CEP170: variants seen among roughly 807,000 people sequenced by gnomAD.
CEP170 encodes the protein centrosomal protein of 170 kDa.
Under a neutral mutation model 151.9 loss-of-function variants are expected in CEP170, and 21 were observed. The observed-to-expected ratio is 0.14, with a 90% CI of 0.10 to 0.20. The LOEUF is 0.20. Ranked by LOEUF, CEP170 falls within the 10% of genes least tolerant of loss-of-function variation. The pLI is 1.00. For missense variants in CEP170, 964 were observed against 1,892.9 expected, an observed-to-expected ratio of 0.51 and a Z score of 9.11; for synonymous variants, 356 against 648.8, an observed-to-expected ratio of 0.55 and a Z score of 6.86.
At chr1:243,201,673 A>T (rs1572238844) in intron 4 of CEP170, among the ~76,000 whole-genome samples, 2 of 152,138 alleles carry the variant, frequency 1.3e-5, no homozygotes, top group African/African-American at 4.8e-5. Flanking sequence ...TCCCAAGCAT[A>T]AGGGAAGTAG....
At chr1:243,244,399 C>T (rs1033142938) in intron 1 of CEP170, among the ~76,000 whole-genome samples, 3 of 151,970 alleles carry the variant, frequency 2.0e-5, no homozygotes, top group East Asian at 1.9e-4. Flanking sequence ...ACTTACCTCC[C>T]AATTTAACTC....
At chr1:243,164,159 A>G (rs1375514009) in intron 13 of CEP170, 125 bp downstream of exon 13, 2 of 1,234,104 alleles carry the variant, frequency 1.6e-6, no homozygotes, top group African/African-American at 1.6e-5. Context: ...CCCGTATATC[A>G]TAACTTTTGT....
chr1:243,184,614 T>C (rs1216715016), intron 10 of CEP170, among the ~76,000 whole-genome samples: 1 of 152,126 alleles, frequency 6.6e-6, no homozygotes, highest in Non-Finnish European at 1.5e-5. Flanking sequence ...ACGTACTCTC[T>C]TACAGTGTAG....
chr1:243,239,064 A>G (rs929290973), intron 1 of CEP170, among the ~76,000 whole-genome samples: 1 of 152,230 alleles, frequency 6.6e-6, no homozygotes, highest in African/African-American at 2.4e-5. Context: ...TGCTTATTAT[A>G]ATGTTACACA....
At chr1:243,238,252 C>T (rs1040460491) in intron 1 of CEP170, among the ~76,000 whole-genome samples, 4 of 151,998 alleles carry the variant, frequency 2.6e-5, no homozygotes, top group African/African-American at 4.8e-5. Flanking sequence ...GAATTCAGGA[C>T]CAACCTAGGC....
At chr1:243,203,804 A>G (rs995354856) in intron 4 of CEP170, among the ~76,000 whole-genome samples, 1 of 152,160 alleles carries the variant, frequency 6.6e-6, no homozygotes, top group Non-Finnish European at 1.5e-5. Flanking sequence ...ATAATAAAAC[A>G]TACAATTATG....
intron 15 of CEP170, among the ~76,000 whole-genome samples, chr1:243,140,969 T>C (rs1234444847): frequency 1.3e-5 from 2 of 152,216 alleles, no homozygotes; most frequent in African/African-American, 4.8e-5. Context: ...ATAAGGATGA[T>C]TTCATTTACA....
intron 8 of CEP170, among the ~76,000 whole-genome samples, chr1:243,190,196 T>C (rs1272207961): frequency 6.6e-6 from 1 of 152,182 alleles, no homozygotes; most frequent in African/African-American, 2.4e-5. Flanking sequence ...AGTAACAGAA[T>C]GGTCAGCTAA....
chr1:243,189,131 G>T (rs2060115721), intron 8 of CEP170, among the ~76,000 whole-genome samples: 1 of 152,162 alleles, frequency 6.6e-6, no homozygotes, highest in African/African-American at 2.4e-5. Context: ...ATAATTTCTA[G>T]TAAGGGCTTA....
intron 1 of CEP170, among the ~76,000 whole-genome samples, chr1:243,254,825 C>G (rs969785165): frequency 6.6e-6 from 1 of 151,400 alleles, no homozygotes; most frequent in Non-Finnish European, 1.5e-5. Context: ...GTGGTCCCGT[C>G]AAGCCCCGGG....
At chr1:243,188,601 G>A (rs903795859) in intron 8 of CEP170, among the ~76,000 whole-genome samples, 8 of 152,090 alleles carry the variant, frequency 5.3e-5, no homozygotes, top group Admixed American at 2.6e-4. Context: ...TTTAGGGTAG[G>A]TTAGCTGTAA....
At chr1:243,161,762 A>C (rs2058085840) in intron 13 of CEP170, among the ~76,000 whole-genome samples, 1 of 152,196 alleles carries the variant, frequency 6.6e-6, no homozygotes, top group Non-Finnish European at 1.5e-5. Context: ...TTTAAAGTTT[A>C]TACTGTGCAC....
chr1:243,191,394 A>G lies in CEP170; in HGVS notation c.732T>C (p.Pro244=). ...GTGATGGTTGCTGGAATTCTTTTGT[A>G]GGGATTTCAAAATAACTTGGTTCCC... The part of the protein sequence containing the change: ...FCREPSYFEI[P]TKEFQQPSQI... Residue 244 remains proline, a synonymous_variant, in exon 8 of 20, where the codon CCT becomes CCC. Coordinates refer to ENST00000366542, the MANE Select transcript of CEP170 (RefSeq NM_014812.3). The G allele has an allele frequency of 1.3e-6, 2 of 1,579,148 alleles. No homozygotes were observed. The highest frequency in any genetic ancestry group is 1.7e-6 in the Non-Finnish European group (2 of 1,161,686).
chr1:243,152,916 C>G (rs1234219893), intron 14 of CEP170, among the ~76,000 whole-genome samples: 1 of 152,160 alleles, frequency 6.6e-6, no homozygotes, highest in Non-Finnish European at 1.5e-5. Flanking sequence ...AATGATTCCT[C>G]TAATAGATCT....
Position 243,125,614 on chromosome 1 carries a change from T to C in CEP170, c.*835A>G, listed in dbSNP as rs544536708. On this transcript the variant is annotated 3_prime_UTR_variant, in exon 20 of 20. Coordinates refer to ENST00000366542, the MANE Select transcript of CEP170 (RefSeq NM_014812.3). ...TATCTGTCTAGTTTAATCTTTCTAG[T>C]TATCATTTAACCTAAAATGAGAGAC... 6.4e-6 allele frequency: 1 copy of C among 155,436 alleles called. No homozygotes were observed. Among genetic ancestry groups the C allele is most frequent in the East Asian group, 1.9e-4 (1 of 5,250 alleles). The allele number at this position is 155,436 out of a possible 1,614,324, so 9.6% of individuals were successfully genotyped here.
intron 10 of CEP170, among the ~76,000 whole-genome samples, chr1:243,178,722 TTC>T (rs1477084084): frequency 2.0e-5 from 3 of 151,654 alleles, no homozygotes; most frequent in Non-Finnish European, 2.9e-5. Flanking sequence ...TATCTTCTTC[TTC>T]TTTTTTTTTT....
chr1:243,208,364 TA>T (rs1264479287), intron 4 of CEP170, among the ~76,000 whole-genome samples: 18 of 148,000 alleles, frequency 1.2e-4, no homozygotes, highest in Admixed American at 3.4e-4. Flanking sequence ...TCACTCCGAT[TA>T]AAAAAAAACA....
intron 14 of CEP170, among the ~76,000 whole-genome samples, chr1:243,153,274 T>C (rs2057277597): frequency 6.6e-6 from 1 of 152,192 alleles, no homozygotes; most frequent in Non-Finnish European, 1.5e-5. Flanking sequence ...GGTGAAGCTG[T>C]TGTGAGCACT....
chr1:243,191,520 C>T (rs2060303615), intron 7 of CEP170, 26 bp from the exon 8 acceptor site: 1 of 1,196,546 alleles, frequency 8.4e-7, no homozygotes, highest in Non-Finnish European at 1.2e-6. Flanking sequence ...AGAGAAAATT[C>T]AAAATATTTG....
Sources: allele counts gnomAD v4.1 joint callset (sites outside exome capture counted in the v4.1 genomes callset), GRCh38; gene constraint gnomAD v4.1.1; transcripts MANE v1.5; gene names NCBI Gene and HGNC (gene_info 2026-07-23, HGNC 2026-07-21).